Variants in BMP6 observed in about 807,000 individuals in gnomAD.
BMP6 encodes bone morphogenetic protein 6.
Under a neutral mutation model 54.1 loss-of-function variants are expected in BMP6, and 17 were observed. The observed-to-expected ratio is 0.31, with a 90% CI of 0.22 to 0.47. The LOEUF (loss-of-function observed/expected upper bound fraction) is 0.47, where lower values mean the gene tolerates loss of function less well. Ranked by LOEUF, BMP6 falls within the 20% of genes least tolerant of loss-of-function variation. BMP6 has a pLI of 1.00. For synonymous variants in BMP6, 328 were observed against 291.2 expected (o/e 1.13, Z -1.28); for missense variants, 720 against 690.4 (o/e 1.04, Z -0.48).
At chr6:7,824,516 G>GAA (rs1368836975) in intron 1 of BMP6, among the ~76,000 whole-genome samples, 3 of 152,138 alleles carry the variant, frequency 2.0e-5, no homozygotes, top group Non-Finnish European at 2.9e-5. Context: ...AAAGGGGAGG[G>GAA]GAAGCCCTAA....
chr6:7,821,102 G>A (rs1758605143), intron 1 of BMP6, among the ~76,000 whole-genome samples: 1 of 152,230 alleles, frequency 6.6e-6, no homozygotes, highest in South Asian at 2.1e-4. Context: ...ACATCATTCT[G>A]CCTGTTGTGG....
At position 7,829,789 on chromosome 6, in the gene BMP6, G is replaced by A. The variant is rs139838606; in HGVS notation, c.665-15351G>A. On this transcript the variant is annotated intron_variant, in intron 1 of 6. Coordinates refer to ENST00000283147, the MANE Select transcript of BMP6 (RefSeq NM_001718.6). ...GGTCACAGGGTCTTCTTTGCCTCCC[G>A]CCTCTTCATATGTAGATGTTACTAC... 8.5e-5 allele frequency among the ~76,000 whole-genome samples: 13 copies of A among 152,222 alleles called. No individual in the cohort carries two copies. In the East Asian group the frequency reaches 1.2e-3, roughly 14 times the overall value.
chr6:7,842,794 C>G (rs535694316), intron 1 of BMP6, among the ~76,000 whole-genome samples: 1 of 152,320 alleles, frequency 6.6e-6, no homozygotes, highest in South Asian at 2.1e-4. Context: ...CTCCTTATAA[C>G]TGAAATATCT....
intron 1 of BMP6, among the ~76,000 whole-genome samples, chr6:7,814,596 C>T (rs1163377187): frequency 6.6e-6 from 1 of 152,070 alleles, no homozygotes; most frequent in Non-Finnish European, 1.5e-5. Context: ...CTCTCTCTAC[C>T]TTTCTCTTCC....
chr6:7,757,196 G>A (rs1757529200), intron 1 of BMP6, among the ~76,000 whole-genome samples: 1 of 152,230 alleles, frequency 6.6e-6, no homozygotes, highest in African/African-American at 2.4e-5. Flanking sequence ...ATAGCATAGT[G>A]TGTTAGTTTC....
intron 4 of BMP6, among the ~76,000 whole-genome samples, chr6:7,864,010 GAAAAAAA>G (rs5874117): frequency 1.6e-5 from 2 of 128,912 alleles, no homozygotes; most frequent in Non-Finnish European, 3.4e-5. Context: ...AGACTCCATC[GAAAAAAA>G]AAAAAAAAAA....
At chr6:7,766,961 T>C (rs921993459) in intron 1 of BMP6, among the ~76,000 whole-genome samples, 2 of 82,820 alleles carry the variant, frequency 2.4e-5, no homozygotes, top group Non-Finnish European at 6.6e-5. Flanking sequence ...TTTTTATTTA[T>C]TTATTTATTT....
intron 2 of BMP6, among the ~76,000 whole-genome samples, chr6:7,854,719 C>G (rs1759198098): frequency 6.6e-6 from 1 of 152,162 alleles, no homozygotes; most frequent in Non-Finnish European, 1.5e-5. Flanking sequence ...TCACTTGAAC[C>G]CAGGAGGCGG....
intron 1 of BMP6, among the ~76,000 whole-genome samples, chr6:7,801,130 C>G (rs987625922): frequency 3.3e-5 from 5 of 152,206 alleles, no homozygotes; most frequent in Non-Finnish European, 5.9e-5. Flanking sequence ...GATGCTCTCT[C>G]CTGCACAAAT....
intron 1 of BMP6, among the ~76,000 whole-genome samples, chr6:7,815,177 C>G (rs560466593): frequency 2.6e-5 from 4 of 152,114 alleles, no homozygotes; most frequent in African/African-American, 9.7e-5. Context: ...TCTTACCAAG[C>G]TATTAGAGTC....
intron 1 of BMP6, among the ~76,000 whole-genome samples, chr6:7,844,771 T>C (rs1400688770): frequency 6.6e-6 from 1 of 152,158 alleles, no homozygotes; most frequent in Non-Finnish European, 1.5e-5. Context: ...GACGGGTTCT[T>C]CTTCATTGCT....
At chr6:7,729,948 C>T (rs559444567) in intron 1 of BMP6, among the ~76,000 whole-genome samples, 1 of 152,312 alleles carries the variant, frequency 6.6e-6, no homozygotes, top group South Asian at 2.1e-4. Context: ...TCAAGCAATC[C>T]CCCTGCCTCA....
At chr6:7,774,291 G>A (rs1252950878) in intron 1 of BMP6, among the ~76,000 whole-genome samples, 4 of 152,172 alleles carry the variant, frequency 2.6e-5, no homozygotes, top group South Asian at 4.2e-4. Context: ...GGCTCACGCC[G>A]GTAATCCCAA....
At chr6:7,797,725 GGT>G (rs1187796670) in intron 1 of BMP6, among the ~76,000 whole-genome samples, 2 of 152,052 alleles carry the variant, frequency 1.3e-5, no homozygotes, top group Admixed American at 6.6e-5. Context: ...GAGATGGCTT[GGT>G]TCATCTCTTA....
intron 1 of BMP6, among the ~76,000 whole-genome samples, chr6:7,755,943 T>A (rs1213436280): frequency 1.3e-5 from 2 of 152,160 alleles, no homozygotes; most frequent in African/African-American, 4.8e-5. Flanking sequence ...ATATGGCTGA[T>A]TTTTAAGATT....
chr6:7,813,816 A>G (rs187465193), intron 1 of BMP6, among the ~76,000 whole-genome samples: 238 of 152,222 alleles, frequency 1.6e-3, no homozygotes, highest in Middle Eastern at 6.8e-3. Context: ...GTAGCCACCT[A>G]AAGAGTGACC....
In BMP6 at chr6:7,881,351, C is replaced by A. The variant is rs1263957074; in HGVS notation, c.*1008C>A. On this transcript the variant is annotated 3_prime_UTR_variant, in exon 7 of 7. Coordinates refer to ENST00000283147, the MANE Select transcript of BMP6 (RefSeq NM_001718.6). Reference sequence around the variant, plus strand: ...AAATTTTAGAATATTTTCTAAATGTCTTTTTCACAATCATGTACTGGGAAG... The same window carrying A: ...AAATTTTAGAATATTTTCTAAATGTATTTTTCACAATCATGTACTGGGAAG... The A allele has an allele frequency of 6.6e-6, 1 of 152,546 alleles. No individual in the cohort carries two copies. Among genetic ancestry groups the A allele is most frequent in the Non-Finnish European group, 1.5e-5 (1 of 68,014 alleles). The allele number at this position is 152,546 out of a possible 1,614,324, so 9.4% of individuals were successfully genotyped here.
Position 7,856,595 on chromosome 6 carries a change from ATTTTT to A in BMP6, c.858-4841_858-4837del, listed in dbSNP as rs70982115. 3.6e-5 allele frequency among the ~76,000 whole-genome samples: 3 copies of A among 83,110 alleles called. 1 individual carries two copies. The highest frequency in any genetic ancestry group is 1.5e-4 in the Admixed American group (1 of 6,592). The allele number at this position is 83,110 out of a possible 152,430, so 54.5% of individuals were successfully genotyped here. On this transcript the variant is annotated intron_variant, in intron 2 of 6. Coordinates refer to ENST00000283147, the MANE Select transcript of BMP6 (RefSeq NM_001718.6). ...ATATAAATGCCAGTTTATCAAGAGCATTTTTTTTTTTTTTTTTTTGAGACGGAGTC... is the reference window on the plus strand; with the variant it reads ...ATATAAATGCCAGTTTATCAAGAGCATTTTTTTTTTTTTTGAGACGGAGTC...
chr6:7,878,633 C>T (rs1451621000), intron 4 of BMP6, among the ~76,000 whole-genome samples: 7 of 151,346 alleles, frequency 4.6e-5, no homozygotes, highest in African/African-American at 1.2e-4. Flanking sequence ...TCTTCTGGCC[C>T]GGCAGCTGTC....
Sources: allele counts gnomAD v4.1 joint callset (sites outside exome capture counted in the v4.1 genomes callset), GRCh38; gene constraint gnomAD v4.1.1; transcripts MANE v1.5; gene names NCBI Gene and HGNC (gene_info 2026-07-23, HGNC 2026-07-21).